Variants in GLIS3 observed in about 807,000 individuals in gnomAD.
GLIS3 encodes GLIS family zinc finger 3.
A neutral mutation model predicts 78.6 loss-of-function variants in GLIS3; 53 were observed. The ratio of observed to expected loss-of-function variants is 0.67; its 90% CI spans 0.54 to 0.85. GLIS3 has a LOEUF of 0.85. Among genes scored for constraint, GLIS3 ranks in the 40% least tolerant of loss-of-function variants. GLIS3 has a pLI of 0.00. For synonymous variants in GLIS3, 684 were observed against 509.9 expected (o/e 1.34, Z -4.60); for missense variants, 1,703 against 1,231.1 (o/e 1.38, Z -5.74).
chr9:4,074,734 T>G (rs533470654), intron 4 of GLIS3, among the ~76,000 whole-genome samples: 1 of 152,186 alleles, frequency 6.6e-6, no homozygotes, highest in East Asian at 1.9e-4. Context: ...AGCAACATCA[T>G]AGGACTTAAT....
At chr9:4,098,020 A>T (rs1327846879) in intron 4 of GLIS3, among the ~76,000 whole-genome samples, 2 of 152,340 alleles carry the variant, frequency 1.3e-5, no homozygotes, top group Admixed American at 1.3e-4. Flanking sequence ...ATAACTTTTT[A>T]AAATCAGGGT....
chr9:4,185,312 A>T (rs756198926), intron 2 of GLIS3, among the ~76,000 whole-genome samples: 8 of 152,208 alleles, frequency 5.3e-5, no homozygotes, highest in Admixed American at 5.2e-4. Context: ...GCTGAATAGT[A>T]TTCCATTATA....
rs577133037 is a variant in GLIS3, at chr9:4,084,416, A to G, written c.1710+33352T>C. On this transcript the variant is annotated intron_variant, in intron 4 of 10. Transcript: ENST00000381971. Reference sequence around the variant, plus strand: ...GCAAGGAGAGGAAAAAATAATGGCAAATTGCTAATGCTATCAAGCCAAGAG... The same window carrying G: ...GCAAGGAGAGGAAAAAATAATGGCAGATTGCTAATGCTATCAAGCCAAGAG... Among the ~76,000 whole-genome samples, 22 of 152,212 alleles carry G rather than the reference A, an allele frequency of 1.4e-4. No individual in the cohort carries two copies. The South Asian group carries it at 4.6e-3, about 32-fold the overall frequency.
At chr9:4,029,577 C>T (rs1286585657) in intron 4 of GLIS3, among the ~76,000 whole-genome samples, 1 of 151,958 alleles carries the variant, frequency 6.6e-6, no homozygotes, top group Non-Finnish European at 1.5e-5. Flanking sequence ...CACTAACCAT[C>T]CCTGCCTGTC....
chr9:4,165,163 G>A (rs986691546), intron 2 of GLIS3, among the ~76,000 whole-genome samples: 2 of 152,114 alleles, frequency 1.3e-5, no homozygotes, highest in South Asian at 2.1e-4. Flanking sequence ...ATTCCTGGCC[G>A]AGCACGATGG....
chr9:3,911,196 C>T (rs1471919792), intron 6 of GLIS3, among the ~76,000 whole-genome samples: 1 of 152,074 alleles, frequency 6.6e-6, no homozygotes, highest in Non-Finnish European at 1.5e-5. Flanking sequence ...CTACGCTAGG[C>T]CCAGGAGATA....
chr9:4,350,661 C>A (rs986566009), upstream of GLIS3, among the ~76,000 whole-genome samples: 1 of 152,202 alleles, frequency 6.6e-6, no homozygotes, highest in Non-Finnish European at 1.5e-5. Flanking sequence ...AAAGACCCCA[C>A]CTTTGGTATT....
chr9:3,932,871 G>T, intron 5 of GLIS3: 3 of 356,274 alleles, frequency 8.4e-6, no homozygotes, highest in Non-Finnish European at 1.7e-5. Context: ...TTCAGGTAAA[G>T]AAGCTGTAGA....
chr9:4,217,855 A>G (rs551260394), intron 2 of GLIS3, among the ~76,000 whole-genome samples: 1 of 152,364 alleles, frequency 6.6e-6, no homozygotes. Context: ...AGCAGCATGA[A>G]ATAGTATTTA....
At chr9:4,077,547 C>T (rs570014303) in intron 4 of GLIS3, among the ~76,000 whole-genome samples, 1 of 152,212 alleles carries the variant, frequency 6.6e-6, no homozygotes, top group East Asian at 1.9e-4. Flanking sequence ...GATTCAACAA[C>T]AGAACAGGAA....
chr9:4,379,577 C>G, the GLIS3 span, among the ~76,000 whole-genome samples: 7 of 152,208 alleles, frequency 4.6e-5, no homozygotes, highest in African/African-American at 1.7e-4. Context: ...GGAGCTAAAC[C>G]TTGAGTTATT....
intron 4 of GLIS3, among the ~76,000 whole-genome samples, chr9:4,068,320 G>A (rs1588592078): frequency 1.1e-5 from 1 of 94,108 alleles, no homozygotes; most frequent in Non-Finnish European, 3.0e-5. Flanking sequence ...TTATCTTACA[G>A]AGAATCAGTA....
At chr9:4,096,640 A>T (rs1354379015) in intron 4 of GLIS3, among the ~76,000 whole-genome samples, 3 of 152,112 alleles carry the variant, frequency 2.0e-5, no homozygotes, top group African/African-American at 7.2e-5. Flanking sequence ...CTGTGATGTG[A>T]TCCAGTCTTC....
the GLIS3 span, among the ~76,000 whole-genome samples, chr9:4,355,105 C>G: frequency 2.0e-5 from 3 of 149,894 alleles, no homozygotes; most frequent in Admixed American, 6.7e-5. Flanking sequence ...CACTCTTAGC[C>G]TGGGCGACAG....
At position 3,827,522 on chromosome 9, in the gene GLIS3, C is replaced by T. The variant is rs1251262909; in HGVS notation, c.*750G>A. Reference sequence around the variant, plus strand: ...CAAAACTAACATGCTAGAGGTGGGGCCAGGCAGAACCACAGCTGTGCAAAA... The same window carrying T: ...CAAAACTAACATGCTAGAGGTGGGGTCAGGCAGAACCACAGCTGTGCAAAA... On this transcript the variant is annotated 3_prime_UTR_variant, in exon 11 of 11. Coordinates refer to ENST00000381971, the MANE Select transcript of GLIS3 (RefSeq NM_001042413.2). 1 of 152,362 alleles carries T rather than the reference C, an allele frequency of 6.6e-6. No individual in the cohort carries two copies. Among genetic ancestry groups the T allele is most frequent in the Non-Finnish European group, 1.5e-5 (1 of 68,230 alleles). The allele number at this position is 152,362 out of a possible 1,614,324, so 9.4% of individuals were successfully genotyped here. A position where few individuals can be genotyped will look rare whatever the true frequency, so the allele number is the denominator to read the frequency against.
chr9:4,352,292 G>A (rs1046684117), upstream of GLIS3, among the ~76,000 whole-genome samples: 2 of 152,226 alleles, frequency 1.3e-5, no homozygotes, highest in African/African-American at 4.8e-5. Flanking sequence ...TATGGCTCAG[G>A]AACAAGGGAG....
the GLIS3 span, among the ~76,000 whole-genome samples, chr9:4,369,790 TCTATCTAATAGAGATAAAATC>T: frequency 6.6e-6 from 1 of 151,332 alleles, no homozygotes; most frequent in African/African-American, 2.4e-5. Context: ...CTAAAAAGAG[TCTATCTAATAGAGATAAAATC>T]CTATGTTCAT....
chr9:4,405,368 A>G, the GLIS3 span, among the ~76,000 whole-genome samples: 1 of 151,868 alleles, frequency 6.6e-6, no homozygotes, highest in Non-Finnish European at 1.5e-5. Flanking sequence ...AAAAAAAGAA[A>G]AAGAAAAAGA....
chr9:4,401,192 T>C, the GLIS3 span, among the ~76,000 whole-genome samples: 1 of 152,174 alleles, frequency 6.6e-6, no homozygotes, highest in Non-Finnish European at 1.5e-5. Context: ...CTTCCCTCAA[T>C]GGTGAGTCCC....
Sources: allele counts gnomAD v4.1 joint callset (sites outside exome capture counted in the v4.1 genomes callset), GRCh38; gene constraint gnomAD v4.1.1; transcripts MANE v1.5; gene names NCBI Gene and HGNC (gene_info 2026-07-23, HGNC 2026-07-21).